Variants in PAX3 observed in about 807,000 individuals in gnomAD.
The protein encoded by PAX3 is paired box protein Pax-3.
A neutral mutation model predicts 51.6 loss-of-function variants in PAX3; 14 were observed. The ratio of observed to expected loss-of-function variants is 0.27; its 90% CI spans 0.18 to 0.42. The LOEUF is 0.42. Ranked by LOEUF, PAX3 falls within the 10% of genes least tolerant of loss-of-function variation. The probability of loss-of-function intolerance (pLI) is 1.00; values close to 1 mark genes in which losing one functional copy is unlikely to be tolerated. For synonymous variants in PAX3, 280 were observed against 253.4 expected, an observed-to-expected ratio of 1.11 and a Z score of -1.00; for missense variants, 540 against 642.8, an observed-to-expected ratio of 0.84 and a Z score of 1.73.
chr2:222,298,803 G>T lies in PAX3; in HGVS notation c.-188C>A. ...AGTCCAGAGGCCGGAGCTGGAACCCGGGAAAGGGGAGGACGGGGAGGCCCC... is the reference window on the plus strand; with the variant it reads ...AGTCCAGAGGCCGGAGCTGGAACCCTGGAAAGGGGAGGACGGGGAGGCCCC... On this transcript the variant is annotated 5_prime_UTR_variant, in exon 1 of 9. Coordinates refer to ENST00000392070, the MANE Select transcript of PAX3 (RefSeq NM_181458.4). 1.6e-6 allele frequency: 1 copy of T among 635,088 alleles called. No individual in the cohort carries two copies. Among genetic ancestry groups the T allele is most frequent in the Non-Finnish European group, 2.8e-6 (1 of 355,190 alleles). 39.3% of individuals were successfully genotyped at this position (635,088 alleles called of 1,614,324 possible).
intron 7 of PAX3, among the ~76,000 whole-genome samples, chr2:222,214,094 A>G (rs1691858431): frequency 6.6e-6 from 1 of 152,208 alleles, no homozygotes; most frequent in South Asian, 2.1e-4. Context: ...CTGGATGAGC[A>G]AACAACCATC....
chr2:222,244,734 C>CAA (rs35127003), intron 4 of PAX3, among the ~76,000 whole-genome samples: 1,425 of 109,654 alleles, frequency 0.013, 11 homozygotes, highest in Middle Eastern at 0.024. Context: ...TATTGTTCAC[C>CAA]AAAAAAAAAA....
intron 4 of PAX3, among the ~76,000 whole-genome samples, chr2:222,246,464 T>C (rs1693231977): frequency 6.6e-6 from 1 of 152,216 alleles, no homozygotes; most frequent in Non-Finnish European, 1.5e-5. Flanking sequence ...ACTACAAAAG[T>C]ACATTACATT....
At chr2:222,268,587 G>A (rs562840535) in intron 4 of PAX3, among the ~76,000 whole-genome samples, 1 of 152,308 alleles carries the variant, frequency 6.6e-6, no homozygotes, top group Admixed American at 6.5e-5. Context: ...GCAAAGAGCT[G>A]AGTTTCCTAC....
chr2:222,276,791 G>C (rs1425061143), intron 4 of PAX3, among the ~76,000 whole-genome samples: 2 of 152,236 alleles, frequency 1.3e-5, no homozygotes, highest in African/African-American at 4.8e-5. Flanking sequence ...CTTATGCAGT[G>C]AGTGGATATT....
Position 222,293,946 on chromosome 2 carries a change from G to C in PAX3, c.586+221C>G. The C allele has an allele frequency of 5.2e-6, 8 of 1,530,066 alleles. No individual in the cohort carries two copies. The South Asian group carries it at 1.0e-4, about 19-fold the overall frequency. The allele number at this position is 1,530,066 out of a possible 1,614,324, so 94.8% of individuals were successfully genotyped here. On this transcript the variant is annotated intron_variant, in intron 4 of 8. Transcript: ENST00000392070. ...GGGCTGAAAGTGGTTAAGAAAGAAA[G>C]ATTTACAAAACAGAAAAACTAAGCA...
intron 4 of PAX3, among the ~76,000 whole-genome samples, chr2:222,277,172 A>T (rs1694450278): frequency 6.6e-6 from 1 of 152,132 alleles, no homozygotes; most frequent in South Asian, 2.1e-4. Context: ...ATAGATCTTA[A>T]TTTTGCAATA....
intron 4 of PAX3, among the ~76,000 whole-genome samples, chr2:222,288,192 A>G (rs992943536): frequency 6.6e-6 from 1 of 152,264 alleles, no homozygotes; most frequent in Non-Finnish European, 1.5e-5. Flanking sequence ...TCATAAAATG[A>G]TTCAAGGAAA....
At chr2:222,271,446 T>C (rs1694250328) in intron 4 of PAX3, among the ~76,000 whole-genome samples, 1 of 152,184 alleles carries the variant, frequency 6.6e-6, no homozygotes, top group Non-Finnish European at 1.5e-5. Flanking sequence ...GTAATAATGG[T>C]GATGCTGATG....
chr2:222,210,949 C>T (rs2106051183), intron 7 of PAX3, among the ~76,000 whole-genome samples: 1 of 152,248 alleles, frequency 6.6e-6, no homozygotes. Flanking sequence ...TCACTGCAAC[C>T]TCACCCTCCT....
intron 5 of PAX3, among the ~76,000 whole-genome samples, chr2:222,223,632 T>C (rs1475438631): frequency 2.0e-5 from 3 of 152,166 alleles, no homozygotes; most frequent in Non-Finnish European, 4.4e-5. Context: ...TTATAATACG[T>C]CAAGACTAAG....
chr2:222,288,973 C>T (rs1694930931), intron 4 of PAX3, among the ~76,000 whole-genome samples: 1 of 152,228 alleles, frequency 6.6e-6, no homozygotes, highest in African/African-American at 2.4e-5. Context: ...ACAATGGTAT[C>T]AACAAACAGC....
chr2:222,273,568 A>G (rs1408748795), intron 4 of PAX3, among the ~76,000 whole-genome samples: 1 of 152,224 alleles, frequency 6.6e-6, no homozygotes, highest in East Asian at 1.9e-4. Flanking sequence ...AAGCCAATGT[A>G]TAAAAGCTGT....
rs45604842 is a variant in PAX3 at position 222,200,057 on chromosome 2, G to A, written c.*1351C>T. The A allele has an allele frequency of 0.041, 8,496 of 208,408 alleles. 729 individuals carry two copies. Among genetic ancestry groups the A allele is most frequent in the African/African-American group, 0.18 (7,820 of 43,960 alleles). The allele number at this position is 208,408 out of a possible 1,614,324, so 12.9% of individuals were successfully genotyped here. A position where few individuals can be genotyped will look rare whatever the true frequency, so the allele number is the denominator to read the frequency against. Reference sequence around the variant, plus strand: ...ATGCATGAACTAAATTCGGTACTATGTCTAGTCTCACTAACTCGCTACGTC... The same window carrying A: ...ATGCATGAACTAAATTCGGTACTATATCTAGTCTCACTAACTCGCTACGTC... On this transcript the variant is annotated 3_prime_UTR_variant, in exon 9 of 9. Coordinates refer to ENST00000392070, the MANE Select transcript of PAX3 (RefSeq NM_181458.4).
At chr2:222,208,211 G>A (rs1423014826) in intron 7 of PAX3, among the ~76,000 whole-genome samples, 1 of 152,054 alleles carries the variant, frequency 6.6e-6, no homozygotes, top group Non-Finnish European at 1.5e-5. Context: ...ATTTACGCAT[G>A]CCTGCATTTA....
intron 4 of PAX3, among the ~76,000 whole-genome samples, chr2:222,268,881 T>A (rs1309353023): frequency 1.3e-5 from 2 of 152,158 alleles, no homozygotes; most frequent in African/African-American, 2.4e-5. Flanking sequence ...GGAACCCGAC[T>A]TCAAGGCAGT....
At chr2:222,292,049 G>C (rs1574759831) in intron 4 of PAX3, among the ~76,000 whole-genome samples, 1 of 150,810 alleles carries the variant, frequency 6.6e-6, no homozygotes, top group East Asian at 2.0e-4. Context: ...CCACTGGGGA[G>C]AATACTCTGA....
At chr2:222,208,943 A>G (rs565837509) in intron 7 of PAX3, among the ~76,000 whole-genome samples, 1 of 152,196 alleles carries the variant, frequency 6.6e-6, no homozygotes, top group Admixed American at 6.6e-5. Context: ...CACCCTAATA[A>G]CCATTCATAA....
At chr2:222,203,496 G>T (rs1043863018) in intron 7 of PAX3, among the ~76,000 whole-genome samples, 1 of 152,098 alleles carries the variant, frequency 6.6e-6, no homozygotes, top group Non-Finnish European at 1.5e-5. Context: ...ATTAAAGTGT[G>T]CAAATAAGAG....
Sources: allele counts gnomAD v4.1 joint callset (sites outside exome capture counted in the v4.1 genomes callset), GRCh38; gene constraint gnomAD v4.1.1; transcripts MANE v1.5; gene names NCBI Gene and HGNC (gene_info 2026-07-23, HGNC 2026-07-21).